The following EIPR1 variants were observed in gnomAD, a reference collection of about 807,000 sequenced individuals.
EIPR1 encodes EARP complex and GARP complex interacting protein 1, also known as EARP and GARP complex-interacting protein 1.
Under a neutral mutation model 48.1 loss-of-function variants are expected in EIPR1, and 25 were observed. The ratio of observed to expected loss-of-function variants is 0.52; its 90% confidence interval spans 0.38 to 0.73. EIPR1 has a LOEUF of 0.73. Ranked by LOEUF, EIPR1 falls within the 30% of genes least tolerant of loss-of-function variation. EIPR1 has a pLI of 0.00. For missense variants in EIPR1, 415 were observed against 506.2 expected (o/e 0.82, Z 1.73); for synonymous variants, 204 against 201.9 (o/e 1.01, Z -0.09).
chr2:3,232,125 T>C (rs1666262130), intron 4 of EIPR1, among the ~76,000 whole-genome samples: 1 of 152,256 alleles, frequency 6.6e-6, no homozygotes, highest in Non-Finnish European at 1.5e-5. Context: ...TTGTTCACAG[T>C]AGTCTCTTAT....
chr2:3,289,851 C>T (rs896855976), intron 3 of EIPR1, among the ~76,000 whole-genome samples: 1 of 152,214 alleles, frequency 6.6e-6, no homozygotes, highest in Non-Finnish European at 1.5e-5. Context: ...CATGCTTGCT[C>T]AGGCCACAAG....
intron 5 of EIPR1, among the ~76,000 whole-genome samples, chr2:3,200,617 G>A (rs562472574): frequency 1.5e-3 from 227 of 152,220 alleles, no homozygotes; most frequent in Admixed American, 2.6e-3. Context: ...GTGGGGCCTC[G>A]GGAAGCCTGT....
At chr2:3,294,162 G>A (rs1173099010) in intron 3 of EIPR1, among the ~76,000 whole-genome samples, 1 of 152,076 alleles carries the variant, frequency 6.6e-6, no homozygotes, top group East Asian at 1.9e-4. Flanking sequence ...AATCCCACAG[G>A]AGGAATAATT....
At chr2:3,311,293 G>A (rs560001982) in intron 3 of EIPR1, among the ~76,000 whole-genome samples, 37 of 152,100 alleles carry the variant, frequency 2.4e-4, no homozygotes, top group African/African-American at 8.9e-4. Flanking sequence ...TCTCTTCCTA[G>A]AAATATGTGA....
chr2:3,244,826 C>T (rs182766016), intron 4 of EIPR1, among the ~76,000 whole-genome samples: 9 of 152,308 alleles, frequency 5.9e-5, no homozygotes, highest in South Asian at 2.1e-4. Context: ...CTGAGCCATT[C>T]GCCTGGACAC....
chr2:3,344,725 C>G (rs966218279), intron 2 of EIPR1, among the ~76,000 whole-genome samples: 1 of 145,840 alleles, frequency 6.9e-6, no homozygotes, highest in African/African-American at 2.6e-5. Context: ...TCACTGCAAC[C>G]TCCACCTCCC....
At chr2:3,190,841 C>T (rs1664581667) in intron 8 of EIPR1, among the ~76,000 whole-genome samples, 1 of 152,212 alleles carries the variant, frequency 6.6e-6, no homozygotes, top group Non-Finnish European at 1.5e-5. Flanking sequence ...CTGGCTCATG[C>T]CTGTAATCCT....
chr2:3,211,436 C>T (rs1558225934), intron 5 of EIPR1, among the ~76,000 whole-genome samples: 1 of 152,184 alleles, frequency 6.6e-6, no homozygotes, highest in Non-Finnish European at 1.5e-5. Flanking sequence ...AGATTAAGCT[C>T]GGCTTCTGCC....
chr2:3,364,027 G>T (rs1399733280), intron 1 of EIPR1, among the ~76,000 whole-genome samples: 3 of 152,150 alleles, frequency 2.0e-5, no homozygotes, highest in Non-Finnish European at 2.9e-5. Context: ...TGCTGGCAAG[G>T]ATGTAGAGAG....
intron 4 of EIPR1, among the ~76,000 whole-genome samples, chr2:3,239,345 CA>C (rs1666518862): frequency 6.6e-6 from 1 of 152,232 alleles, no homozygotes; most frequent in Non-Finnish European, 1.5e-5. Flanking sequence ...GCCGCCTTCA[CA>C]CAGGAAATAC....
chr2:3,232,538 T>G (rs1452539992), intron 4 of EIPR1, among the ~76,000 whole-genome samples: 2 of 152,230 alleles, frequency 1.3e-5, no homozygotes, highest in Non-Finnish European at 2.9e-5. Context: ...TTTGATCTCC[T>G]GTTTCAATGT....
intron 2 of EIPR1, among the ~76,000 whole-genome samples, chr2:3,342,039 C>T (rs1348439956): frequency 6.6e-6 from 1 of 152,266 alleles, no homozygotes; most frequent in East Asian, 1.9e-4. Flanking sequence ...CGGATTATAA[C>T]TTGTCCAATT....
chr2:3,279,636 G>C (rs1368756920), intron 3 of EIPR1, among the ~76,000 whole-genome samples: 1 of 152,214 alleles, frequency 6.6e-6, no homozygotes, highest in Non-Finnish European at 1.5e-5. Context: ...TAAGAGATAA[G>C]GTAGACACTC....
chr2:3,242,046 G>A (rs1666646738), intron 4 of EIPR1, among the ~76,000 whole-genome samples: 1 of 152,176 alleles, frequency 6.6e-6, no homozygotes, highest in East Asian at 1.9e-4. Context: ...GATGGGAAGG[G>A]GAGGTACCAG....
At chr2:3,281,158 TCA>T (rs1485613449) in intron 3 of EIPR1, among the ~76,000 whole-genome samples, 1 of 152,128 alleles carries the variant, frequency 6.6e-6, no homozygotes, top group African/African-American at 2.4e-5. Flanking sequence ...GAGGTCTGGC[TCA>T]CACAGTTGAG....
At chr2:3,309,742 C>T (rs1211876217) in intron 3 of EIPR1, among the ~76,000 whole-genome samples, 3 of 152,196 alleles carry the variant, frequency 2.0e-5, no homozygotes, top group African/African-American at 7.2e-5. Context: ...GACCCCAAAA[C>T]GACAGATGCT....
intron 3 of EIPR1, among the ~76,000 whole-genome samples, chr2:3,328,755 C>T (rs1669782938): frequency 7.1e-6 from 1 of 141,638 alleles, no homozygotes; most frequent in Non-Finnish European, 1.5e-5. Flanking sequence ...GAATCAGAGC[C>T]CACCCACCAC....
intron 3 of EIPR1, among the ~76,000 whole-genome samples, chr2:3,258,396 A>G (rs1247371662): frequency 6.6e-6 from 1 of 152,236 alleles, no homozygotes; most frequent in African/African-American, 2.4e-5. Flanking sequence ...TCCCTTTTAA[A>G]GATGGCCTTT....
chr2:3,239,336 C>T (rs909492479), intron 4 of EIPR1, among the ~76,000 whole-genome samples: 2 of 152,228 alleles, frequency 1.3e-5, no homozygotes, highest in Non-Finnish European at 2.9e-5. Context: ...CAGATAAAAG[C>T]CGCCTTCACA....
Sources: gnomAD v4.1 joint callset for allele counts (sites outside exome capture counted in the v4.1 genomes callset) on GRCh38, gnomAD v4.1.1 for gene constraint, MANE v1.5 for transcripts, NCBI Gene and HGNC (gene_info 2026-07-23, HGNC 2026-07-21) for gene names.